The following SLC10A7 variants were observed in gnomAD, a reference collection of about 807,000 sequenced individuals.
SLC10A7 encodes the protein solute carrier family 10 member 7, also known as sodium/bile acid cotransporter 7.
A neutral mutation model predicts 43.2 loss-of-function variants in SLC10A7; 29 were observed. That is an observed-to-expected ratio of 0.67 (90% CI 0.50 to 0.92). SLC10A7 has a LOEUF of 0.92. SLC10A7 is among the 40% of genes least tolerant of loss of function. SLC10A7 has a pLI of 0.00. For synonymous variants in SLC10A7, 152 were observed against 144.8 expected, an observed-to-expected ratio of 1.05 and a Z score of -0.35; for missense variants, 295 against 403.2, an observed-to-expected ratio of 0.73 and a Z score of 2.30.
At chr4:146,430,329 T>C (rs866960321) in intron 5 of SLC10A7, among the ~76,000 whole-genome samples, 1 of 152,156 alleles carries the variant, frequency 6.6e-6, no homozygotes, top group Non-Finnish European at 1.5e-5. Flanking sequence ...ATAAAAGTTA[T>C]ATGTGATAAT....
intron 5 of SLC10A7, among the ~76,000 whole-genome samples, chr4:146,424,514 G>T (rs1729183737): frequency 6.6e-6 from 1 of 152,036 alleles, no homozygotes. Context: ...GCAAAAATTA[G>T]CTGGGCGTGG....
intron 5 of SLC10A7, among the ~76,000 whole-genome samples, chr4:146,382,343 A>T (rs1737687484): frequency 6.6e-6 from 1 of 152,154 alleles, no homozygotes; most frequent in Non-Finnish European, 1.5e-5. Context: ...TTGTGCCATC[A>T]CTGTATTTAC....
At chr4:146,304,314 A>G (rs1050032596) in intron 7 of SLC10A7, among the ~76,000 whole-genome samples, 6 of 151,708 alleles carry the variant, frequency 4.0e-5, no homozygotes, top group Non-Finnish European at 7.4e-5. Context: ...CTTGTTCCCA[A>G]CAATGGTCAT....
In SLC10A7 at chr4:146,256,503, C is replaced by T; in HGVS notation, c.1011G>A (p.Arg337=). The change falls in exon 12 of 12, where the codon AGG becomes AGA. Residue 337 remains arginine (R), a synonymous_variant. Coordinates refer to ENST00000335472, the MANE Select transcript of SLC10A7 (RefSeq NM_001029998.6). ...TCCACCTCCTTTGTTATACTGTCGG[C>T]CTTGTCAGCTTCACTCCCTACAAGG... ...VSRQKGVKLT[R]PTV is the part of the protein sequence containing the mutation. The T allele has an allele frequency of 6.2e-7, 1 of 1,614,032 alleles. No homozygotes were observed. Among genetic ancestry groups the T allele is most frequent in the South Asian group, 1.1e-5 (1 of 91,076 alleles).
intron 4 of SLC10A7, among the ~76,000 whole-genome samples, chr4:146,494,745 A>C (rs1735740960): frequency 6.6e-6 from 1 of 152,156 alleles, no homozygotes. Context: ...GAGTGGTATC[A>C]GTCATGGAGG....
chr4:146,368,819 A>G (rs1041491836), intron 5 of SLC10A7, among the ~76,000 whole-genome samples: 3 of 152,198 alleles, frequency 2.0e-5, no homozygotes, highest in Non-Finnish European at 4.4e-5. Flanking sequence ...GACAACTCCT[A>G]CTAGTTAGTG....
At chr4:146,399,748 T>C (rs1174996520) in intron 5 of SLC10A7, among the ~76,000 whole-genome samples, 1 of 151,952 alleles carries the variant, frequency 6.6e-6, no homozygotes, top group Non-Finnish European at 1.5e-5. Flanking sequence ...ATTCACTGAA[T>C]TAAGAAATAT....
At chr4:146,261,246 C>T (rs1728201248) in intron 10 of SLC10A7, among the ~76,000 whole-genome samples, 1 of 152,194 alleles carries the variant, frequency 6.6e-6, no homozygotes, top group African/African-American at 2.4e-5. Flanking sequence ...CTAGTCTGGG[C>T]TTCCTGCCAG....
intron 6 of SLC10A7, among the ~76,000 whole-genome samples, chr4:146,319,094 C>CA (rs1478216143): frequency 6.6e-6 from 1 of 152,074 alleles, no homozygotes; most frequent in Non-Finnish European, 1.5e-5. Flanking sequence ...TTCCTTTTAT[C>CA]AAAACCCATT....
At chr4:146,482,288 T>C (rs376385756) in intron 4 of SLC10A7, among the ~76,000 whole-genome samples, 2 of 152,196 alleles carry the variant, frequency 1.3e-5, no homozygotes, top group East Asian at 3.9e-4. Context: ...AATTTACTAA[T>C]TATCTGAAGA....
At chr4:146,462,761 T>C (rs941537921) in intron 4 of SLC10A7, among the ~76,000 whole-genome samples, 8 of 152,130 alleles carry the variant, frequency 5.3e-5, no homozygotes, top group African/African-American at 1.9e-4. Context: ...CAAGAGATGA[T>C]TTAATAAAGA....
intron 4 of SLC10A7, among the ~76,000 whole-genome samples, chr4:146,461,614 T>C (rs563230092): frequency 6.6e-6 from 1 of 152,176 alleles, no homozygotes; most frequent in South Asian, 2.1e-4. Flanking sequence ...TGTCTATCTC[T>C]GCACTCCAGC....
At chr4:146,491,298 C>G (rs1579323926) in intron 4 of SLC10A7, among the ~76,000 whole-genome samples, 1 of 152,186 alleles carries the variant, frequency 6.6e-6, no homozygotes, top group Non-Finnish European at 1.5e-5. Flanking sequence ...AACAAAACAA[C>G]TGTCTGCAAG....
chr4:146,485,840 T>C (rs1039336429), intron 4 of SLC10A7, among the ~76,000 whole-genome samples: 1 of 151,444 alleles, frequency 6.6e-6, no homozygotes, highest in Non-Finnish European at 1.5e-5. Flanking sequence ...GGTGAAGGAA[T>C]TAAAATTCAC....
At chr4:146,494,867 G>A (rs1735751307) in intron 4 of SLC10A7, among the ~76,000 whole-genome samples, 1 of 152,156 alleles carries the variant, frequency 6.6e-6, no homozygotes, top group Non-Finnish European at 1.5e-5. Context: ...CTGGGCAACA[G>A]GGTTAAATGA....
chr4:146,337,143 C>T (rs1368340994), intron 5 of SLC10A7, among the ~76,000 whole-genome samples: 2 of 152,042 alleles, frequency 1.3e-5, no homozygotes, highest in Non-Finnish European at 2.9e-5. Flanking sequence ...TTAGATTTAA[C>T]AGGCAATAAA....
chr4:146,421,719 T>C (rs1728978569), intron 5 of SLC10A7, among the ~76,000 whole-genome samples: 1 of 152,204 alleles, frequency 6.6e-6, no homozygotes, highest in African/African-American at 2.4e-5. Context: ...GTATTTGCCA[T>C]TACATTTATA....
chr4:146,354,668 A>T (rs1735432023), intron 5 of SLC10A7, among the ~76,000 whole-genome samples: 1 of 151,480 alleles, frequency 6.6e-6, no homozygotes, highest in Non-Finnish European at 1.5e-5. Flanking sequence ...CCAAAACAGC[A>T]TGGTACTGTA....
At chr4:146,477,491 G>A (rs1404645557) in intron 4 of SLC10A7, among the ~76,000 whole-genome samples, 2 of 152,176 alleles carry the variant, frequency 1.3e-5, no homozygotes, top group African/African-American at 4.8e-5. Flanking sequence ...AAAGTTTTTA[G>A]GGGCTCTAGA....
Sources: gnomAD v4.1 joint callset for allele counts (sites outside exome capture counted in the v4.1 genomes callset) on GRCh38, gnomAD v4.1.1 for gene constraint, MANE v1.5 for transcripts, NCBI Gene and HGNC (gene_info 2026-07-23, HGNC 2026-07-21) for gene names.